VEZT: variants seen among roughly 807,000 people sequenced by gnomAD.
VEZT encodes the protein vezatin.
A neutral mutation model predicts 79.9 loss-of-function variants in VEZT; 39 were observed. The ratio of observed to expected loss-of-function variants is 0.49; its 90% CI spans 0.38 to 0.64. The LOEUF (loss-of-function observed/expected upper bound fraction) is 0.64. Among genes scored for constraint, VEZT ranks in the 30% least tolerant of loss-of-function variants. VEZT has a pLI of 0.00. For synonymous variants in VEZT, 325 were observed against 327.6 expected, an observed-to-expected ratio of 0.99 and a Z score of 0.09; for missense variants, 837 against 893.1, an observed-to-expected ratio of 0.94 and a Z score of 0.80.
At chr12:95,251,611 C>G (rs1378222807) in intron 1 of VEZT, among the ~76,000 whole-genome samples, 1 of 152,018 alleles carries the variant, frequency 6.6e-6, no homozygotes, top group Admixed American at 6.6e-5. Context: ...TTGAAGCAAT[C>G]TAAGACTATA....
chr12:95,299,977 TA>T, intron 11 of VEZT, 187 bp from the exon 12 acceptor site: 1 of 391,784 alleles, frequency 2.6e-6, no homozygotes, highest in South Asian at 8.8e-5. Flanking sequence ...TTTCATTTCT[TA>T]GGCATTTTCT....
intron 9 of VEZT, among the ~76,000 whole-genome samples, chr12:95,292,847 C>CTTTT (rs1204643991): frequency 5.2e-5 from 5 of 96,480 alleles, no homozygotes; most frequent in Admixed American, 1.2e-4. Context: ...GTACCTGGCC[C>CTTTT]TTTTTTTTTT....
intron 1 of VEZT, chr12:95,224,318 CTTT>C (rs62851660): frequency 0.016 from 6,580 of 402,672 alleles, no homozygotes; most frequent in South Asian, 0.028. Context: ...AAAGCCACAA[CTTT>C]TTTTTTTTTT....
chr12:95,230,104 C>CA (rs11386464), intron 1 of VEZT, among the ~76,000 whole-genome samples: 27,178 of 71,786 alleles, frequency 0.38, 4,230 homozygotes, highest in African/African-American at 0.52. Context: ...GATTCCGTCT[C>CA]AAAAAAAAAA....
At chr12:95,241,905 A>G (rs1038759810) in intron 1 of VEZT, among the ~76,000 whole-genome samples, 2 of 152,224 alleles carry the variant, frequency 1.3e-5, no homozygotes, top group African/African-American at 4.8e-5. Flanking sequence ...CACTGAGACT[A>G]GCAACTTGAA....
At chr12:95,286,259 T>TG in intron 8 of VEZT, 1 of 303,764 alleles carries the variant, frequency 3.3e-6, no homozygotes, top group Non-Finnish European at 6.3e-6. Flanking sequence ...CCCAAAGTGC[T>TG]GGGATTACAG....
chr12:95,252,157 T>C lies in VEZT; in HGVS notation c.168+86T>C, dbSNP rs545115163. Reference sequence around the variant, plus strand: ...CAGATACTTCTTAAGCACTTCCATATCCTCCCTCACACTGGTAAGACTATT... The same window carrying C: ...CAGATACTTCTTAAGCACTTCCATACCCTCCCTCACACTGGTAAGACTATT... On this transcript the variant is annotated intron_variant, in intron 2 of 11. Coordinates refer to ENST00000436874, the MANE Select transcript of VEZT (RefSeq NM_017599.4). The C allele has an allele frequency of 3.7e-5, 52 of 1,411,056 alleles. No homozygotes were observed. In the South Asian group the frequency reaches 7.9e-4, roughly 21 times the overall value. The allele number at this position is 1,411,056 out of a possible 1,614,324, so 87.4% of individuals were successfully genotyped here.
At chr12:95,298,258 G>A (rs560901468) in intron 11 of VEZT, among the ~76,000 whole-genome samples, 53 of 151,946 alleles carry the variant, frequency 3.5e-4, no homozygotes, top group African/African-American at 1.1e-3. Flanking sequence ...CAGCTCTGCC[G>A]CCTCTCCTAA....
rs757088960 is a variant in VEZT, at chr12:95,300,640, A to C, written c.2307A>C (p.Ile769=). The change falls in exon 12 of 12, where the codon ATA becomes ATC. Residue 769 remains isoleucine, a synonymous_variant. Coordinates refer to ENST00000436874, the MANE Select transcript of VEZT (RefSeq NM_017599.4). Reference sequence around the variant, plus strand: ...GTGGTGAGGAGGAAGAACAAATAATAGAAGAAAATAAAAATGAGATAGAAG... The same window carrying C: ...GTGGTGAGGAGGAAGAACAAATAATCGAAGAAAATAAAAATGAGATAGAAG... ...TFGGEEEEQI[I]EENKNEIEEK 6.3e-7 allele frequency: 1 copy of C among 1,593,590 alleles called. No homozygotes were observed. The highest frequency in any genetic ancestry group is 8.6e-7 in the Non-Finnish European group (1 of 1,167,208).
At chr12:95,268,587 C>T (rs2065994862) in intron 5 of VEZT, among the ~76,000 whole-genome samples, 2 of 152,104 alleles carry the variant, frequency 1.3e-5, no homozygotes, top group South Asian at 2.1e-4. Context: ...AATGGTTAGG[C>T]GTGTATAGAG....
chr12:95,222,932 A>T (rs1489935775), intron 1 of VEZT, among the ~76,000 whole-genome samples: 1 of 152,218 alleles, frequency 6.6e-6, no homozygotes, highest in Non-Finnish European at 1.5e-5. Flanking sequence ...CCTGGGGAAA[A>T]GAGACTGAAT....
At position 95,300,300 on chromosome 12, in the gene VEZT, A is replaced by G. The variant is rs2075039767; in HGVS notation, c.1967A>G (p.Asn656Ser). ...EESNKSATTD[N>S]EISRTEYLCE... Reference sequence around the variant, plus strand: ...AGTAATAAATCCGCCACAACAGACAATGAAATAAGTAGGACTGAGTATTTA... The same window carrying G: ...AGTAATAAATCCGCCACAACAGACAGTGAAATAAGTAGGACTGAGTATTTA... The change falls in exon 12 of 12, where the codon AAT (asparagine) becomes AGT (serine). Residue 656 changes from asparagine to serine, a missense_variant. Coordinates refer to ENST00000436874, the MANE Select transcript of VEZT (RefSeq NM_017599.4). The G allele has an allele frequency of 6.2e-7, 1 of 1,608,926 alleles. No homozygotes were observed. The highest frequency in any genetic ancestry group is 8.5e-7 in the Non-Finnish European group (1 of 1,177,400).
intron 8 of VEZT, among the ~76,000 whole-genome samples, chr12:95,286,129 A>C (rs1301403060): frequency 6.6e-6 from 1 of 151,420 alleles, no homozygotes; most frequent in African/African-American, 2.4e-5. Flanking sequence ...AGTAGCTGGG[A>C]TCACAGGCAC....
chr12:95,295,877 A>G (rs1269529562), intron 10 of VEZT, among the ~76,000 whole-genome samples, 174 bp from the exon 11 acceptor site: 1 of 152,216 alleles, frequency 6.6e-6, no homozygotes, highest in Non-Finnish European at 1.5e-5. Context: ...GAAGATTTCA[A>G]TTTATCCATA....
intron 1 of VEZT, among the ~76,000 whole-genome samples, chr12:95,227,002 GT>G (rs2058586460): frequency 6.6e-6 from 1 of 152,154 alleles, no homozygotes; most frequent in South Asian, 2.1e-4. Context: ...ACAGAACAAA[GT>G]TTAGAAAATG....
intron 11 of VEZT, among the ~76,000 whole-genome samples, chr12:95,297,273 G>A (rs75302417): frequency 1.3e-5 from 2 of 152,308 alleles, no homozygotes; most frequent in Non-Finnish European, 2.9e-5. Flanking sequence ...TTCTAAGTAG[G>A]TAGAGTGTGG....
chr12:95,272,544 A>G (rs1041838977), intron 6 of VEZT, among the ~76,000 whole-genome samples: 1 of 152,238 alleles, frequency 6.6e-6, no homozygotes, highest in African/African-American at 2.4e-5. Context: ...AAAAACCTTA[A>G]TAAATTTAAC....
intron 1 of VEZT, among the ~76,000 whole-genome samples, chr12:95,236,680 C>T (rs2060246272): frequency 6.6e-6 from 1 of 151,638 alleles, no homozygotes; most frequent in African/African-American, 2.4e-5. Context: ...AGGTGATTCT[C>T]CTGCTTCAGC....
chr12:95,240,984 G>A (rs1000853801), intron 1 of VEZT, among the ~76,000 whole-genome samples: 21 of 152,024 alleles, frequency 1.4e-4, no homozygotes, highest in Non-Finnish European at 5.9e-5. Context: ...CTACACACTA[G>A]ATACCAGTAG....
Sources: allele counts gnomAD v4.1 joint callset (sites outside exome capture counted in the v4.1 genomes callset), GRCh38; gene constraint gnomAD v4.1.1; transcripts MANE v1.5; gene names NCBI Gene and HGNC (gene_info 2026-07-23, HGNC 2026-07-21).